The following MGAT5B variants were observed in gnomAD, a reference collection of about 807,000 sequenced individuals.
The protein encoded by MGAT5B is N-acetylglucosaminyl-transferase Vb.
MGAT5B carries 54 observed loss-of-function variants against 95.1 expected under a neutral mutation model. That is an observed-to-expected ratio of 0.57 (90% CI 0.46 to 0.71). The LOEUF (loss-of-function observed/expected upper bound fraction) is 0.71, where lower values mean the gene tolerates loss of function less well. Ranked by LOEUF, MGAT5B falls within the 30% of genes least tolerant of loss-of-function variation. MGAT5B has a pLI of 0.00. For synonymous variants in MGAT5B, 464 were observed against 451.0 expected, an observed-to-expected ratio of 1.03 and a Z score of -0.36; for missense variants, 935 against 1,088.6, an observed-to-expected ratio of 0.86 and a Z score of 1.99.
intron 8 of MGAT5B, among the ~76,000 whole-genome samples, chr17:76,920,245 GGCTGCTGAACC>G (rs1969084226): frequency 6.6e-6 from 1 of 152,146 alleles, no homozygotes; most frequent in Non-Finnish European, 1.5e-5. Context: ...TATCTGTGGG[GGCTGCTGAACC>G]GTCCTCTTGA....
chr17:76,947,746 GCACGGCAGGGCCACA>G, intron 16 of MGAT5B, 69 bp from the exon 17 acceptor site: 1 of 1,464,866 alleles, frequency 6.8e-7, no homozygotes, highest in Non-Finnish European at 9.0e-7. Flanking sequence ...GCTCGTACTG[GCACGGCAGGGCCACA>G]CCTTCAGGTG....
At chr17:76,913,889 T>C (rs1021100026) in intron 8 of MGAT5B, 13 of 424,112 alleles carry the variant, frequency 3.1e-5, no homozygotes, top group African/African-American at 2.6e-4. Flanking sequence ...GGCGGGAGGA[T>C]TGCTTGATTC....
In MGAT5B at chr17:76,948,027, C is replaced by G; in HGVS notation, c.2121C>G (p.His707Gln). ...GRACTDTCLD[H>Q]GLICEPSFFP... Reference sequence around the variant, plus strand: ...CCTGCACCGACACCTGCCTGGACCACGGGCTAATCTGTGAGCCCTCCTTCT... The same window carrying G: ...CCTGCACCGACACCTGCCTGGACCAGGGGCTAATCTGTGAGCCCTCCTTCT... The change falls in exon 17 of 18, where the codon CAC becomes CAG. Residue 707 changes from histidine to glutamine, a missense_variant. Coordinates refer to ENST00000569840, the MANE Select transcript of MGAT5B (RefSeq NM_001199172.2). 6.2e-7 allele frequency: 1 copy of G among 1,613,166 alleles called. No homozygotes were observed. Among genetic ancestry groups the G allele is most frequent in the Non-Finnish European group, 8.5e-7 (1 of 1,179,616 alleles).
chr17:76,943,580 T>A (rs528062656), intron 15 of MGAT5B, among the ~76,000 whole-genome samples: 8 of 144,104 alleles, frequency 5.6e-5, no homozygotes, highest in African/African-American at 1.5e-4. Context: ...ATTATTTTTT[T>A]AAAATTTTCT....
At position 76,918,010 on chromosome 17, in the gene MGAT5B, G is replaced by T. The variant is rs1419959306; in HGVS notation, c.1026-6956G>T. 6.6e-6 allele frequency among the ~76,000 whole-genome samples: 1 copy of T among 152,240 alleles called. No homozygotes were observed. The highest frequency in any genetic ancestry group is 1.5e-5 in the Non-Finnish European group (1 of 68,042). The stretch of plus-strand genomic sequence containing the variant: ...CTGCAGCCGTGCTGGCAGCCAGCGG[G>T]GTGAGTGTGTGGTCTCCTCCAGCTC... On this transcript the variant is annotated intron_variant, in intron 8 of 17. Transcript: ENST00000569840. The surrounding 1 kb of genome is among the most constrained non-coding windows in gnomAD (Gnocchi z 5.1).
intron 2 of MGAT5B, among the ~76,000 whole-genome samples, chr17:76,876,599 G>A (rs1483312889): frequency 6.6e-6 from 1 of 152,186 alleles, no homozygotes; most frequent in Non-Finnish European, 1.5e-5. Context: ...GGAGGAGAAG[G>A]CTTTTCTCGA....
rs182020354 is a variant in MGAT5B at position 76,930,668 on chromosome 17, G to A, written c.1292-1977G>A. Reference sequence around the variant, plus strand: ...GCACTCCACACACGGCCATGGAATTGGAGCGTGAGATCAAACATGTTCCCT... The same window carrying A: ...GCACTCCACACACGGCCATGGAATTAGAGCGTGAGATCAAACATGTTCCCT... On this transcript the variant is annotated intron_variant, in intron 10 of 17. Coordinates refer to ENST00000569840, the MANE Select transcript of MGAT5B (RefSeq NM_001199172.2). The surrounding 1 kb of genome is among the most constrained non-coding windows in gnomAD (Gnocchi z 4.1). Among the ~76,000 whole-genome samples the A allele has an allele frequency of 6.6e-6, 1 of 152,320 alleles. No individual in the cohort carries two copies. The highest frequency in any genetic ancestry group is 1.9e-4 in the East Asian group (1 of 5,192).
chr17:76,895,059 G>A (rs776190728), intron 3 of MGAT5B, among the ~76,000 whole-genome samples: 6 of 152,076 alleles, frequency 3.9e-5, no homozygotes, highest in Non-Finnish European at 5.9e-5. Context: ...GGCTTCGTCC[G>A]TATTTACGGC....
intron 1 of MGAT5B, chr17:76,872,527 G>A: frequency 1.3e-6 from 1 of 755,446 alleles, no homozygotes; most frequent in Non-Finnish European, 2.1e-6. Context: ...CTGCTCGTCT[G>A]GGGACTGCAC....
chr17:76,894,180 C>A (rs1473972950), intron 3 of MGAT5B, among the ~76,000 whole-genome samples: 2 of 152,182 alleles, frequency 1.3e-5, no homozygotes, highest in African/African-American at 2.4e-5. Flanking sequence ...CCAGGAACAT[C>A]CTCTCCAGCT....
At position 76,868,874 on chromosome 17, in the gene MGAT5B, G is replaced by C; in HGVS notation, c.-156G>C. ...CGCCGCTCCCTCCGCTGCACGCCCA[G>C]GCCTGAGCAGCGAGGCCACCGGGCC... On this transcript the variant is annotated 5_prime_UTR_variant, in exon 1 of 18. Coordinates refer to ENST00000569840, the MANE Select transcript of MGAT5B (RefSeq NM_001199172.2). This position sits in a 1 kb window ranked among gnomAD's most constrained non-coding sequence, Gnocchi z 6.3. The C allele has an allele frequency of 1.5e-5, 9 of 580,868 alleles. No individual in the cohort carries two copies. In the South Asian group the frequency reaches 2.1e-4, roughly 13 times the overall value. 36.0% of individuals were successfully genotyped at this position (580,868 alleles called of 1,614,324 possible).
intron 12 of MGAT5B, among the ~76,000 whole-genome samples, chr17:76,935,827 CTATATATTATATACATTATATATACTA>C (rs1598992996): frequency 2.3e-5 from 3 of 130,988 alleles, no homozygotes; most frequent in South Asian, 2.3e-4. Flanking sequence ...ATTATATATA[CTATATATTATATACATTATATATACTA>C]TATATATTAT....
In MGAT5B at chr17:76,869,749, G is replaced by A. The variant is rs866785822; in HGVS notation, c.68+652G>A. Among the ~76,000 whole-genome samples the A allele has an allele frequency of 6.6e-6, 1 of 152,306 alleles. No homozygotes were observed. The highest frequency in any genetic ancestry group is 2.4e-5 in the African/African-American group (1 of 41,576). ...GCAGGGCTACGGGGCGGCTGGAGCC[G>A]AGGCTGCGGCGGAGCGTGGTGGGCG... On this transcript the variant is annotated intron_variant, in intron 1 of 17. Transcript: ENST00000569840. The surrounding 1 kb of genome is among the most constrained non-coding windows in gnomAD (Gnocchi z 7.0).
chr17:76,907,056 T>C (rs1968557374), intron 8 of MGAT5B, among the ~76,000 whole-genome samples: 1 of 125,754 alleles, frequency 8.0e-6, no homozygotes, highest in Non-Finnish European at 1.8e-5. Context: ...ATTCCTTTGC[T>C]TTTTTTTTTT....
chr17:76,926,589 G>T lies in MGAT5B; in HGVS notation c.1158-8G>T, dbSNP rs752490901. 26 of 1,606,900 alleles carry T rather than the reference G, an allele frequency of 1.6e-5. No individual in the cohort carries two copies. The African/African-American group carries it at 2.7e-4, about 17-fold the overall frequency. Reference sequence around the variant, plus strand: ...CTGACCCTGGTTCCTGGTCCCCTGGGGGGGCAGGTGCCGAATCAGGGTCAT... The same window carrying T: ...CTGACCCTGGTTCCTGGTCCCCTGGTGGGGCAGGTGCCGAATCAGGGTCAT... On this transcript the variant is annotated splice_polypyrimidine_tract_variant and splice_region_variant and intron_variant, in intron 9 of 17. Coordinates refer to ENST00000569840, the MANE Select transcript of MGAT5B (RefSeq NM_001199172.2).
chr17:76,873,918 C>T (rs372709536), intron 2 of MGAT5B, among the ~76,000 whole-genome samples: 41 of 152,040 alleles, frequency 2.7e-4, no homozygotes, highest in African/African-American at 9.4e-4. Context: ...TTTCTGGCTC[C>T]CCTGTTCTGA....
chr17:76,939,027 GGGGT>G (rs748715544), intron 13 of MGAT5B, among the ~76,000 whole-genome samples: 2,973 of 97,148 alleles, frequency 0.031, 52 homozygotes, highest in African/African-American at 0.071. Context: ...AGGCATCTTG[GGGGT>G]GTGTGTGTGT....
At chr17:76,948,516 C>A in intron 17 of MGAT5B, 124 bp from the exon 18 acceptor site, 1 of 1,016,656 alleles carries the variant, frequency 9.8e-7, no homozygotes, top group Non-Finnish European at 1.4e-6. Context: ...CTTACCCAGG[C>A]TGGGATGGGA....
Position 76,917,237 on chromosome 17 carries a change from A to G in MGAT5B, c.1026-7729A>G, listed in dbSNP as rs1386677773. ...TGACTGATGAGCCAGGCAGGTCCGAATGTTCCTCGAAGTCAGTTTCTTTGC... is the reference window on the plus strand; with the variant it reads ...TGACTGATGAGCCAGGCAGGTCCGAGTGTTCCTCGAAGTCAGTTTCTTTGC... On this transcript the variant is annotated intron_variant, in intron 8 of 17. Coordinates refer to ENST00000569840, the MANE Select transcript of MGAT5B (RefSeq NM_001199172.2). The surrounding 1 kb of genome is among the most constrained non-coding windows in gnomAD (Gnocchi z 6.1). Among the ~76,000 whole-genome samples the G allele has an allele frequency of 6.6e-6, 1 of 151,836 alleles. No homozygotes were observed. Among genetic ancestry groups the G allele is most frequent in the Admixed American group, 6.6e-5 (1 of 15,226 alleles).
Sources: allele counts gnomAD v4.1 joint callset (sites outside exome capture counted in the v4.1 genomes callset), GRCh38; gene constraint gnomAD v4.1.1; non-coding constraint Gnocchi (gnomAD v3.1); transcripts MANE v1.5; gene names NCBI Gene and HGNC (gene_info 2026-07-23, HGNC 2026-07-21).